The following LNX1 variants were observed in gnomAD, a reference collection of about 807,000 sequenced individuals.
LNX1 encodes the protein E3 ubiquitin-protein ligase LNX.
Under a neutral mutation model 68.4 loss-of-function variants are expected in LNX1, and 54 were observed. The ratio of observed to expected loss-of-function variants is 0.79; its 90% confidence interval spans 0.63 to 0.99. The LOEUF is 0.99. LNX1 is among the 50% of genes least tolerant of loss of function. The pLI is 0.00. For missense variants in LNX1, 906 were observed against 926.4 expected (o/e 0.98, Z 0.29); for synonymous variants, 336 against 350.0 (o/e 0.96, Z 0.45).
At chr4:53,599,979 T>C (rs1375336699) in intron 2 of LNX1, among the ~76,000 whole-genome samples, 1 of 152,204 alleles carries the variant, frequency 6.6e-6, no homozygotes, top group Non-Finnish European at 1.5e-5. Flanking sequence ...GTAACATCTG[T>C]AGCTGTTTAG....
chr4:53,560,017 G>T (rs4864471), intron 2 of LNX1, among the ~76,000 whole-genome samples: 27,115 of 151,940 alleles, frequency 0.18, 3,472 homozygotes, highest in African/African-American at 0.36. Flanking sequence ...AAGCTTAACA[G>T]CTATCTCCAA....
At chr4:53,502,858 T>A (rs1225924274) in intron 4 of LNX1, among the ~76,000 whole-genome samples, 2 of 152,202 alleles carry the variant, frequency 1.3e-5, no homozygotes, top group East Asian at 3.8e-4. Flanking sequence ...AAGAAACCAC[T>A]TTATTTGCTC....
At chr4:53,644,214 A>G (rs1448289941) in intron 1 of LNX1, among the ~76,000 whole-genome samples, 3 of 152,154 alleles carry the variant, frequency 2.0e-5, no homozygotes, top group Non-Finnish European at 4.4e-5. Context: ...CAGCCTGGCC[A>G]GCATGATGAA....
intron 2 of LNX1, among the ~76,000 whole-genome samples, chr4:53,509,693 C>T (rs1726185286): frequency 6.6e-6 from 1 of 152,202 alleles, no homozygotes; most frequent in Non-Finnish European, 1.5e-5. Context: ...AAGCAGTTCT[C>T]ATGAGATTGT....
chr4:53,481,841 C>T lies in LNX1; in HGVS notation c.1364G>A (p.Arg455His), dbSNP rs141159009. 76 of 1,604,932 alleles carry T rather than the reference C, an allele frequency of 4.7e-5. No homozygotes were observed. The East Asian group carries it at 8.3e-4, about 18-fold the overall frequency. ...CTGGCGGGACACGACGAGGTGAACA[C>T]GTCTTTCACTGGCCTGGGCAAGAAG... Reference protein sequence around the residue: ...AAHLIQASERRVHLVVSRQVR... With the variant: ...AAHLIQASERHVHLVVSRQVR... Residue 455 changes from arginine to histidine, a missense_variant, in exon 7 of 11, where the codon CGT becomes CAT. By Grantham distance (29) the Arg-to-His change is conservative. Coordinates refer to ENST00000263925, the MANE Select transcript of LNX1 (RefSeq NM_001126328.3).
chr4:53,471,443 T>C (rs1723176203), intron 9 of LNX1, among the ~76,000 whole-genome samples: 1 of 152,190 alleles, frequency 6.6e-6, no homozygotes. Flanking sequence ...AAGGACTTCA[T>C]GTCTAAAACA....
At chr4:53,476,217 G>A (rs1375245981) in intron 9 of LNX1, among the ~76,000 whole-genome samples, 1 of 152,150 alleles carries the variant, frequency 6.6e-6, no homozygotes, top group Admixed American at 6.5e-5. Flanking sequence ...AGAATCATTT[G>A]AACCCAGGAG....
At chr4:53,621,943 AC>A (rs1733895872), upstream of LNX1, among the ~76,000 whole-genome samples, 1 of 151,888 alleles carries the variant, frequency 6.6e-6, no homozygotes, top group African/African-American at 2.4e-5. Context: ...CTCCCCCACT[AC>A]CCACCCCACC....
At chr4:53,461,877 A>T (rs571434000) in intron 9 of LNX1, among the ~76,000 whole-genome samples, 1 of 152,256 alleles carries the variant, frequency 6.6e-6, no homozygotes, top group Non-Finnish European at 1.5e-5. Context: ...TTTTAACTTA[A>T]GACAATGCTT....
chr4:53,558,381 C>A (rs532340849), intron 2 of LNX1: 1 of 510,706 alleles, frequency 2.0e-6, no homozygotes, highest in African/African-American at 2.1e-5. Context: ...TCAGACCCCA[C>A]GGTGTGAATA....
At chr4:53,495,874 G>T in intron 6 of LNX1, 149 bp downstream of exon 6, 2 of 977,756 alleles carry the variant, frequency 2.0e-6, no homozygotes, top group Non-Finnish European at 3.0e-6. Flanking sequence ...CAGAAGCTTT[G>T]AAAATGTTGG....
intron 2 of LNX1, among the ~76,000 whole-genome samples, chr4:53,544,760 C>T (rs1204431279): frequency 6.6e-6 from 1 of 152,218 alleles, no homozygotes; most frequent in Non-Finnish European, 1.5e-5. Context: ...TGCCCATGCG[C>T]CAGGCACTGT....
intron 3 of LNX1, among the ~76,000 whole-genome samples, chr4:53,507,714 G>A (rs1244543776): frequency 6.6e-6 from 1 of 152,090 alleles, no homozygotes; most frequent in Non-Finnish European, 1.5e-5. Context: ...TTCTTGAGCA[G>A]CATGGCTGAA....
chr4:53,530,881 A>G (rs1333703920), intron 2 of LNX1, among the ~76,000 whole-genome samples: 5 of 152,146 alleles, frequency 3.3e-5, no homozygotes, highest in Non-Finnish European at 7.3e-5. Context: ...TTGTAAAATG[A>G]GGCCAGGCAT....
At chr4:53,543,800 G>A (rs148840316) in intron 2 of LNX1, among the ~76,000 whole-genome samples, 1 of 152,120 alleles carries the variant, frequency 6.6e-6, no homozygotes, top group Non-Finnish European at 1.5e-5. Flanking sequence ...CAAGAAAGAA[G>A]AGAGCAGCTT....
At chr4:53,561,298 A>G (rs28386887) in intron 2 of LNX1, among the ~76,000 whole-genome samples, 27,144 of 151,660 alleles carry the variant, frequency 0.18, 3,490 homozygotes, top group African/African-American at 0.37. Flanking sequence ...GGCGATCTTG[A>G]CTCATTGCAA....
At chr4:53,507,493 C>T in intron 3 of LNX1, 24 bp from the exon 4 acceptor site, 1 of 1,609,816 alleles carries the variant, frequency 6.2e-7, no homozygotes, top group South Asian at 1.1e-5. Context: ...ACAGGAGGAA[C>T]AGTAGTTATG....
chr4:53,594,521 C>T (rs1197198167), upstream of LNX1, among the ~76,000 whole-genome samples: 1 of 152,078 alleles, frequency 6.6e-6, no homozygotes, highest in Non-Finnish European at 1.5e-5. Flanking sequence ...CTTGGCAAAT[C>T]CTGGACATAT....
At chr4:53,583,972 AACG>A (rs370738649) in intron 1 of LNX1, among the ~76,000 whole-genome samples, 43 of 144,632 alleles carry the variant, frequency 3.0e-4, no homozygotes, top group Admixed American at 7.6e-4. Context: ...CAACAACAAC[AACG>A]ACAAATGAAG....
Sources: gnomAD v4.1 joint callset for allele counts (sites outside exome capture counted in the v4.1 genomes callset) on GRCh38, gnomAD v4.1.1 for gene constraint, MANE v1.5 for transcripts, NCBI Gene and HGNC (gene_info 2026-07-23, HGNC 2026-07-21) for gene names.